The following NKAIN3 variants were observed in gnomAD, a reference collection of about 807,000 sequenced individuals.
The protein encoded by NKAIN3 is sodium/potassium transporting ATPase interacting 3.
In NKAIN3, 25 loss-of-function variants were observed where a neutral mutation model predicts 30.2. That is an observed-to-expected ratio of 0.83 (90% CI 0.60 to 1.16). The LOEUF is 1.16. NKAIN3 is among the 50% of genes most tolerant of loss of function. NKAIN3 has a pLI of 0.00. For synonymous variants in NKAIN3, 91 were observed against 89.6 expected (o/e 1.02, Z -0.09); for missense variants, 225 against 254.1 (o/e 0.89, Z 0.78).
intron 3 of NKAIN3, among the ~76,000 whole-genome samples, chr8:62,602,171 G>A (rs906547997): frequency 2.1e-4 from 32 of 152,126 alleles, no homozygotes; most frequent in African/African-American, 7.7e-4. Flanking sequence ...AATTTGTATT[G>A]TAATCTTATG....
chr8:62,948,401 T>G (rs956618792), intron 5 of NKAIN3, among the ~76,000 whole-genome samples: 1 of 152,130 alleles, frequency 6.6e-6, no homozygotes, highest in Non-Finnish European at 1.5e-5. Context: ...TGTTTCACCA[T>G]GTTGGCCAGG....
chr8:62,497,868 C>A (rs1478757401), intron 1 of NKAIN3, among the ~76,000 whole-genome samples: 2 of 152,068 alleles, frequency 1.3e-5, no homozygotes, highest in African/African-American at 4.8e-5. Context: ...GGTTTATAAG[C>A]TACAAAAATC....
chr8:62,463,677 C>T (rs1052778407), intron 1 of NKAIN3, among the ~76,000 whole-genome samples: 1 of 152,148 alleles, frequency 6.6e-6, no homozygotes, highest in Non-Finnish European at 1.5e-5. Flanking sequence ...GTAGTCTTCT[C>T]TCATCCATGG....
At position 62,932,367 on chromosome 8, in the gene NKAIN3, A is replaced by G. The variant is rs373340685; in HGVS notation, c.532+13854A>G. ...AAATAATTACAGAAGAGTGAAATGCAGATACTGGTTTGTGTAAAGTGAGTC... is the reference window on the plus strand; with the variant it reads ...AAATAATTACAGAAGAGTGAAATGCGGATACTGGTTTGTGTAAAGTGAGTC... On this transcript the variant is annotated intron_variant, in intron 5 of 6. Transcript: ENST00000623646. Among the ~76,000 whole-genome samples the G allele has an allele frequency of 2.0e-4, 30 of 152,220 alleles. No individual in the cohort carries two copies. In the East Asian group the frequency reaches 5.0e-3, roughly 25 times the overall value.
intron 4 of NKAIN3, among the ~76,000 whole-genome samples, chr8:62,907,632 T>C (rs1328813641): frequency 6.6e-6 from 1 of 152,116 alleles, no homozygotes; most frequent in Admixed American, 6.6e-5. Flanking sequence ...CAGTTGTGGC[T>C]AAAAGGGGCC....
chr8:62,560,197 C>A (rs1809523637), intron 1 of NKAIN3, among the ~76,000 whole-genome samples: 1 of 152,048 alleles, frequency 6.6e-6, no homozygotes, highest in Non-Finnish European at 1.5e-5. Context: ...ATAAATTTAT[C>A]TGTGTTTAAA....
At chr8:62,814,053 T>A (rs1046486926) in intron 4 of NKAIN3, among the ~76,000 whole-genome samples, 1 of 152,082 alleles carries the variant, frequency 6.6e-6, no homozygotes, top group Non-Finnish European at 1.5e-5. Context: ...TGTTTTTCTC[T>A]TGCTGTTTTC....
Position 62,970,726 on chromosome 8 carries a change from AT to A in NKAIN3, c.*5322del, listed in dbSNP as rs530331181. On this transcript the variant is annotated 3_prime_UTR_variant, in exon 7 of 7. Coordinates refer to ENST00000623646, the MANE Select transcript of NKAIN3 (RefSeq NM_001304533.3). ...CAAAGTTGAAAGTCACCTAATTGGG[AT>A]TTGAACAGTCAGTTTTTAACTCAGA... is the stretch of plus-strand genomic sequence containing the variant. Among the ~76,000 whole-genome samples, 377 of 152,324 alleles carry A rather than the reference AT, an allele frequency of 2.5e-3. 3 individuals carry two copies. The highest frequency in any genetic ancestry group is 8.6e-3 in the African/African-American group (356 of 41,584).
chr8:62,350,851 G>A (rs935111738), intron 1 of NKAIN3, among the ~76,000 whole-genome samples: 2 of 151,478 alleles, frequency 1.3e-5, no homozygotes, highest in Non-Finnish European at 2.9e-5. Context: ...CACCATGCCC[G>A]GCTAATTTTT....
At chr8:62,676,219 A>G (rs1813470557) in intron 3 of NKAIN3, among the ~76,000 whole-genome samples, 1 of 152,246 alleles carries the variant, frequency 6.6e-6, no homozygotes, top group Admixed American at 6.5e-5. Context: ...ATTTATACCC[A>G]GATCTGTCTG....
chr8:62,950,720 G>T (rs906693508), intron 5 of NKAIN3, among the ~76,000 whole-genome samples: 2 of 152,154 alleles, frequency 1.3e-5, no homozygotes, highest in Admixed American at 1.3e-4. Flanking sequence ...GCCATCAACT[G>T]CAGGAACCAG....
chr8:62,407,090 G>A (rs1355208454), intron 1 of NKAIN3, among the ~76,000 whole-genome samples: 1 of 151,892 alleles, frequency 6.6e-6, no homozygotes. Context: ...GGACATTTAG[G>A]TATTAATTTT....
intron 1 of NKAIN3, among the ~76,000 whole-genome samples, chr8:62,423,289 A>G (rs1804702353): frequency 6.6e-6 from 1 of 152,018 alleles, no homozygotes; most frequent in Non-Finnish European, 1.5e-5. Flanking sequence ...AGAAATAGTC[A>G]TAGTCCCTTA....
chr8:62,773,568 C>A (rs571977362), intron 4 of NKAIN3, among the ~76,000 whole-genome samples: 2 of 152,054 alleles, frequency 1.3e-5, no homozygotes, highest in African/African-American at 4.8e-5. Flanking sequence ...TGCCATAATT[C>A]CCAAGTGCAG....
intron 4 of NKAIN3, among the ~76,000 whole-genome samples, chr8:62,905,623 C>T (rs533568572): frequency 6.6e-6 from 1 of 152,126 alleles, no homozygotes; most frequent in Admixed American, 6.5e-5. Flanking sequence ...CTTCTCTCCA[C>T]CAAAATGACC....
intron 1 of NKAIN3, among the ~76,000 whole-genome samples, chr8:62,311,719 A>G (rs1254265944): frequency 6.6e-6 from 1 of 150,476 alleles, no homozygotes; most frequent in Non-Finnish European, 1.5e-5. Flanking sequence ...GGGGCACACG[A>G]AGACTGCGTG....
chr8:62,711,863 T>A (rs1814732536), intron 3 of NKAIN3, among the ~76,000 whole-genome samples: 1 of 152,178 alleles, frequency 6.6e-6, no homozygotes, highest in African/African-American at 2.4e-5. Context: ...TCCATTTGGG[T>A]AGCCTCTGTA....
At chr8:62,926,747 A>G (rs1038700908) in intron 5 of NKAIN3, among the ~76,000 whole-genome samples, 2 of 152,162 alleles carry the variant, frequency 1.3e-5, no homozygotes, top group African/African-American at 4.8e-5. Context: ...AAATAAAAGC[A>G]GTGGGAATGA....
chr8:62,914,466 G>A (rs7010773), intron 4 of NKAIN3, among the ~76,000 whole-genome samples: 103,246 of 151,982 alleles, frequency 0.68, 36,000 homozygotes, highest in East Asian at 0.9. Context: ...TATGTAACAA[G>A]CCTTCACATG....
Sources: allele counts gnomAD v4.1 joint callset (sites outside exome capture counted in the v4.1 genomes callset), GRCh38; gene constraint gnomAD v4.1.1; transcripts MANE v1.5; gene names NCBI Gene and HGNC (gene_info 2026-07-23, HGNC 2026-07-21).